Variants in CCNJL observed in about 807,000 individuals in gnomAD.
The protein encoded by CCNJL is cyclin-J-like protein.
Under a neutral mutation model 33.4 loss-of-function variants are expected in CCNJL, and 33 were observed. That is an observed-to-expected ratio of 0.99 (90% CI 0.75 to 1.32). The LOEUF is 1.32. CCNJL is among the 40% of genes most tolerant of loss of function. The pLI, the probability that CCNJL is intolerant of heterozygous loss-of-function variation, is 0.00. For missense variants in CCNJL, 512 were observed against 499.7 expected (o/e 1.02, Z -0.23); for synonymous variants, 227 against 220.9 (o/e 1.03, Z -0.24).
At chr5:160,338,883 C>T (rs1581026581) in intron 1 of CCNJL, among the ~76,000 whole-genome samples, 1 of 152,194 alleles carries the variant, frequency 6.6e-6, no homozygotes, top group Non-Finnish European at 1.5e-5. Flanking sequence ...CTTCTACCTC[C>T]GGGTCCAAGC....
At chr5:160,281,443 C>A (rs964459827) in intron 2 of CCNJL, 1 of 154,056 alleles carries the variant, frequency 6.5e-6, no homozygotes, top group South Asian at 2.0e-4. Context: ...TGATACTTCC[C>A]ACACCCCTGG....
At chr5:160,328,316 GAGTGAGTT>G (rs1367205735) in intron 1 of CCNJL, among the ~76,000 whole-genome samples, 4 of 152,218 alleles carry the variant, frequency 2.6e-5, no homozygotes, top group Non-Finnish European at 4.4e-5. Flanking sequence ...TGCAGCATGA[GAGTGAGTT>G]AGAGTAGGCA....
At chr5:160,258,649 T>G in intron 4 of CCNJL, 1 of 961,070 alleles carries the variant, frequency 1.0e-6, no homozygotes, top group Non-Finnish European at 1.7e-6. Context: ...GAAACAATCT[T>G]AAGAATTATT....
chr5:160,298,425 C>A (rs1368120848), intron 2 of CCNJL, among the ~76,000 whole-genome samples: 1 of 152,090 alleles, frequency 6.6e-6, no homozygotes, highest in Non-Finnish European at 1.5e-5. Flanking sequence ...ACAGCACAGA[C>A]TTCAGTCAGA....
At chr5:160,280,083 A>G (rs1044767340) in intron 3 of CCNJL, among the ~76,000 whole-genome samples, 2 of 152,162 alleles carry the variant, frequency 1.3e-5, no homozygotes, top group African/African-American at 2.4e-5. Flanking sequence ...CACCTTATGA[A>G]CAGTGGTTGC....
In CCNJL at chr5:160,251,629, G is replaced by C. The variant is rs1337524270; in HGVS notation, c.*1749C>G. 1 of 152,370 alleles carries C rather than the reference G, an allele frequency of 6.6e-6. No homozygotes were observed. The highest frequency in any genetic ancestry group is 2.4e-5 in the African/African-American group (1 of 41,444). 9.4% of individuals were successfully genotyped at this position (152,370 alleles called of 1,614,324 possible). ...GAGAGGGAAGGAGGGGCCGGCCCAA[G>C]AGGGGATGCCTAGGACAAGAGGTGA... On this transcript the variant is annotated 3_prime_UTR_variant, in exon 6 of 6. Transcript: ENST00000257536.
At chr5:160,283,792 GGTAA>G (rs912196317) in intron 2 of CCNJL, among the ~76,000 whole-genome samples, 3 of 148,734 alleles carry the variant, frequency 2.0e-5, no homozygotes, top group Non-Finnish European at 4.5e-5. Flanking sequence ...CCCAGCCTTT[GGTAA>G]CCATCCTTCT....
chr5:160,262,313 T>C (rs1761373600), intron 3 of CCNJL, among the ~76,000 whole-genome samples: 2 of 152,174 alleles, frequency 1.3e-5, no homozygotes, highest in African/African-American at 4.8e-5. Flanking sequence ...TTTTCAAACC[T>C]TTCAGAGCTC....
At chr5:160,299,606 T>C (rs1192778422) in intron 2 of CCNJL, among the ~76,000 whole-genome samples, 1 of 139,940 alleles carries the variant, frequency 7.1e-6, no homozygotes, top group Non-Finnish European at 1.6e-5. Flanking sequence ...GGCATAGTTG[T>C]TATGTTAAAA....
intron 5 of CCNJL, 63 bp downstream of exon 5, chr5:160,255,486 C>A (rs2113209356): frequency 2.0e-6 from 3 of 1,508,380 alleles, no homozygotes; most frequent in East Asian, 2.3e-5. Flanking sequence ...TGGCCTGAGG[C>A]AGGCCTCAAG....
chr5:160,308,666 G>C (rs1466409733), intron 2 of CCNJL, among the ~76,000 whole-genome samples: 6 of 152,236 alleles, frequency 3.9e-5, no homozygotes, highest in African/African-American at 1.4e-4. Flanking sequence ...GCTGAGGCAG[G>C]AGAATGGTGT....
chr5:160,290,967 G>C (rs933429534), intron 2 of CCNJL, among the ~76,000 whole-genome samples: 1 of 148,218 alleles, frequency 6.7e-6, no homozygotes, highest in East Asian at 2.0e-4. Flanking sequence ...GCAACACTTT[G>C]GGAGGCTGAG....
chr5:160,299,816 A>G (rs1281853885), intron 2 of CCNJL, among the ~76,000 whole-genome samples: 3 of 150,854 alleles, frequency 2.0e-5, no homozygotes, highest in East Asian at 3.9e-4. Flanking sequence ...AAAGAGTCGG[A>G]AGTGCTCTGA....
chr5:160,306,805 T>C (rs762713184), intron 2 of CCNJL, among the ~76,000 whole-genome samples: 1 of 152,254 alleles, frequency 6.6e-6, no homozygotes, highest in Non-Finnish European at 1.5e-5. Flanking sequence ...GTTAGAAGTC[T>C]GGGAGGAATT....
intron 3 of CCNJL, among the ~76,000 whole-genome samples, chr5:160,277,153 C>A (rs1178884454): frequency 6.6e-6 from 1 of 152,194 alleles, no homozygotes; most frequent in Non-Finnish European, 1.5e-5. Context: ...ACAAACACAA[C>A]CCCACACTAC....
chr5:160,311,742 G>C, intron 2 of CCNJL, 116 bp downstream of exon 2: 1 of 961,620 alleles, frequency 1.0e-6, no homozygotes, highest in Admixed American at 1.8e-5. Context: ...AGGGTAAGAG[G>C]AAAAAAAGGC....
At chr5:160,293,632 A>G (rs1160882125) in intron 2 of CCNJL, among the ~76,000 whole-genome samples, 4 of 151,962 alleles carry the variant, frequency 2.6e-5, no homozygotes, top group African/African-American at 9.7e-5. Context: ...TCATGGGACT[A>G]TCTCCTCCCT....
chr5:160,305,922 T>C (rs1239146646), intron 2 of CCNJL, among the ~76,000 whole-genome samples: 1 of 152,230 alleles, frequency 6.6e-6, no homozygotes, highest in East Asian at 1.9e-4. Flanking sequence ...TGTTCATGTT[T>C]TGGAAGATCT....
At chr5:160,256,501 T>C (rs1761068443) in intron 4 of CCNJL, among the ~76,000 whole-genome samples, 1 of 152,260 alleles carries the variant, frequency 6.6e-6, no homozygotes, top group Non-Finnish European at 1.5e-5. Flanking sequence ...GGAATCTTAA[T>C]GTCCAACTAA....
Sources: gnomAD v4.1 joint callset for allele counts (sites outside exome capture counted in the v4.1 genomes callset) on GRCh38, gnomAD v4.1.1 for gene constraint, MANE v1.5 for transcripts, NCBI Gene and HGNC (gene_info 2026-07-23, HGNC 2026-07-21) for gene names.